Variants in BRD8 observed in about 807,000 individuals in gnomAD.
BRD8 encodes bromodomain containing 8.
Under a neutral mutation model 143.1 loss-of-function variants are expected in BRD8, and 67 were observed. The observed-to-expected ratio is 0.47, with a 90% CI of 0.38 to 0.57. BRD8 has a LOEUF of 0.57. Among genes scored for constraint, BRD8 ranks in the 20% least tolerant of loss-of-function variants. BRD8 has a pLI of 0.00. For missense variants in BRD8, 1,103 were observed against 1,503.0 expected, an observed-to-expected ratio of 0.73 and a Z score of 4.40; for synonymous variants, 505 against 517.1, an observed-to-expected ratio of 0.98 and a Z score of 0.32.
intron 8 of BRD8, 139 bp downstream of exon 8, chr5:138,169,083 G>A: frequency 1.1e-6 from 1 of 940,422 alleles, no homozygotes; most frequent in Non-Finnish European, 1.5e-6. Context: ...TCAGAGCACA[G>A]AACATGGTAA....
Position 138,150,727 on chromosome 5 carries a change from T to C in BRD8, c.3120+18A>G, listed in dbSNP as rs765163443. ...GGCAGAAGACCAACAAGACAGCTGA[T>C]TTAAGTTACTTTCTTACCTCTTCAC... is the stretch of plus-strand genomic sequence containing the variant. On this transcript the variant is annotated intron_variant, in intron 22 of 26. Coordinates refer to ENST00000254900, the MANE Select transcript of BRD8 (RefSeq NM_139199.2). 1.3e-6 allele frequency: 2 copies of C among 1,589,500 alleles called. No individual in the cohort carries two copies. The highest frequency in any genetic ancestry group is 1.2e-5 in the South Asian group (1 of 86,454).
At chr5:138,161,337 A>C in intron 17 of BRD8, 1 of 326,112 alleles carries the variant, frequency 3.1e-6, no homozygotes, top group South Asian at 6.4e-5. Flanking sequence ...GCAGTGGCAC[A>C]ATCATGGTTC....
At chr5:138,177,508 C>T in intron 2 of BRD8, 63 bp downstream of exon 2, 3 of 937,744 alleles carry the variant, frequency 3.2e-6, no homozygotes, top group Non-Finnish European at 5.2e-6. Context: ...AGAAATCTAC[C>T]GATGTGAAAG....
At chr5:138,156,190 A>T (rs1752588957) in intron 20 of BRD8, among the ~76,000 whole-genome samples, 1 of 149,876 alleles carries the variant, frequency 6.7e-6, no homozygotes, top group South Asian at 2.1e-4. Flanking sequence ...CCCAGGCTGG[A>T]GTGCAGTGAC....
chr5:138,151,584 T>G (rs975737034), intron 21 of BRD8, among the ~76,000 whole-genome samples: 10 of 152,238 alleles, frequency 6.6e-5, no homozygotes, highest in African/African-American at 2.4e-4. Flanking sequence ...ACAAGGATAC[T>G]CATAAAGCAG....
chr5:138,161,654 A>C, intron 17 of BRD8, 142 bp downstream of exon 17: 1 of 714,560 alleles, frequency 1.4e-6, no homozygotes, highest in Non-Finnish European at 2.3e-6. Flanking sequence ...AGCCACTGGA[A>C]TTATCAGTTT....
At chr5:138,172,472 G>A (rs1323925612) in intron 2 of BRD8, among the ~76,000 whole-genome samples, 6 of 124,550 alleles carry the variant, frequency 4.8e-5, no homozygotes, top group East Asian at 2.5e-4. Context: ...ACAGTGGGCC[G>A]AGATCTCACC....
chr5:138,167,011 C>T (rs1220446423), intron 9 of BRD8: 10 of 238,606 alleles, frequency 4.2e-5, no homozygotes, highest in Non-Finnish European at 5.7e-5. Context: ...TTTGGGAGGC[C>T]GAGGCAGGTG....
chr5:138,165,943 A>G lies in BRD8; in HGVS notation c.1163T>C (p.Ile388Thr). The G allele has an allele frequency of 6.2e-7, 1 of 1,614,166 alleles. No individual in the cohort carries two copies. Among genetic ancestry groups the G allele is most frequent in the Non-Finnish European group, 8.5e-7 (1 of 1,180,034 alleles). Reference sequence around the variant, plus strand: ...CAGATCTAATTCTTCCTTCCCATCTATGCTGGGAGCCTTTGATCCAACAGG... The same window carrying G: ...CAGATCTAATTCTTCCTTCCCATCTGTGCTGGGAGCCTTTGATCCAACAGG... ...EAPVGSKAPSIDGKEELDLAE... is the reference protein window; with the variant it reads ...EAPVGSKAPSTDGKEELDLAE... Residue 388 changes from isoleucine to threonine, a missense_variant, in exon 11 of 27, where the codon ATA becomes ACA. Around this residue, in one of 7 missense-constraint regions of BRD8, gnomAD observed 334 missense variants for 372.5 expected, o/e 0.90. Transcript: ENST00000254900.
chr5:138,174,854 A>G (rs1252404392), intron 2 of BRD8, among the ~76,000 whole-genome samples: 2 of 151,850 alleles, frequency 1.3e-5, no homozygotes, highest in African/African-American at 2.4e-5. Context: ...TGGACTGCCT[A>G]GACTTCCTGT....
chr5:138,178,474 C>G, intron 1 of BRD8, 122 bp downstream of exon 1: 1 of 921,394 alleles, frequency 1.1e-6, no homozygotes, highest in South Asian at 1.3e-5. Context: ...GAGCGCAGGT[C>G]TCTGAAAACC....
chr5:138,168,422 A>T, intron 8 of BRD8: 1 of 1,332,434 alleles, frequency 7.5e-7, no homozygotes, highest in South Asian at 1.2e-5. Flanking sequence ...ACTCCCTTCC[A>T]AGTACTAAAT....
intron 7 of BRD8, 121 bp downstream of exon 7, chr5:138,170,224 A>G (rs1753755383): frequency 2.7e-6 from 2 of 749,268 alleles, no homozygotes; most frequent in Admixed American, 4.5e-5. Flanking sequence ...TTATTCTGGT[A>G]GAAGAGAAAA....
chr5:138,169,188 A>G, intron 8 of BRD8, 34 bp downstream of exon 8: 1 of 1,606,560 alleles, frequency 6.2e-7, no homozygotes. Flanking sequence ...TTGCCCCTTC[A>G]CTGATCAATT....
In BRD8 at chr5:138,170,879, A is replaced by G. The variant is rs928125295; in HGVS notation, c.393T>C (p.Ala131=). ...CATCCAGTCTGCTGTCCATGTGTCC[A>G]GCTTGAATTAGTTCTGCATCTCTCT... ...RLKRDAELIQ[A]GHMDSRLDEL... Residue 131 remains alanine, a synonymous_variant, in exon 6 of 27, where the codon GCT becomes GCC. Coordinates refer to ENST00000254900, the MANE Select transcript of BRD8 (RefSeq NM_139199.2). 6.2e-7 allele frequency: 1 copy of G among 1,614,096 alleles called. No homozygotes were observed. The highest frequency in any genetic ancestry group is 8.5e-7 in the Non-Finnish European group (1 of 1,180,042).
At chr5:138,171,926 T>G (rs776906893) in intron 3 of BRD8, 139 bp downstream of exon 3, 54 of 734,174 alleles carry the variant, frequency 7.4e-5, no homozygotes, top group Non-Finnish European at 1.2e-5. Flanking sequence ...TAGCAAACAG[T>G]AGGAAAAAGA....
At position 138,147,117 on chromosome 5, in the gene BRD8, A is replaced by G. The variant is rs1195234580; in HGVS notation, c.3279-1239T>C. Among the ~76,000 whole-genome samples the G allele has an allele frequency of 2.0e-5, 3 of 151,698 alleles. 1 individual carries two copies. The highest frequency in any genetic ancestry group is 4.4e-5 in the Non-Finnish European group (3 of 67,934). Reference sequence around the variant, plus strand: ...CATTCCTCACCAATCTACATTTTAAACTGTATCCTATTTGTGTACCAAAAA... The same window carrying G: ...CATTCCTCACCAATCTACATTTTAAGCTGTATCCTATTTGTGTACCAAAAA... On this transcript the variant is annotated intron_variant, in intron 23 of 26. Coordinates refer to ENST00000254900, the MANE Select transcript of BRD8 (RefSeq NM_139199.2).
chr5:138,163,453 C>T (rs1165493372), intron 14 of BRD8, 109 bp from the exon 15 acceptor site: 5 of 1,396,150 alleles, frequency 3.6e-6, no homozygotes, highest in Admixed American at 4.1e-5. Flanking sequence ...AATGACCTCA[C>T]GCTGTTTCCT....
intron 25 of BRD8, among the ~76,000 whole-genome samples, chr5:138,142,174 T>C (rs548264342): frequency 1.2e-4 from 19 of 152,286 alleles, no homozygotes; most frequent in Admixed American, 1.2e-3. Context: ...CCTTCTGCCA[T>C]GTGAGGATAC....
Sources: allele counts gnomAD v4.1 joint callset (sites outside exome capture counted in the v4.1 genomes callset), GRCh38; gene constraint gnomAD v4.1.1; regional missense constraint gnomAD v4.1.1; transcripts MANE v1.5; gene names NCBI Gene and HGNC (gene_info 2026-07-23, HGNC 2026-07-21).